CNKSR3: variants seen among roughly 807,000 people sequenced by gnomAD.
The protein encoded by CNKSR3 is connector enhancer of kinase suppressor of ras 3.
A neutral mutation model predicts 67.7 loss-of-function variants in CNKSR3; 36 were observed. That is an observed-to-expected ratio of 0.53 (90% CI 0.41 to 0.70). The LOEUF (loss-of-function observed/expected upper bound fraction) is 0.70, where lower values mean the gene tolerates loss of function less well. Among genes scored for constraint, CNKSR3 ranks in the 30% least tolerant of loss-of-function variants. The pLI is 0.00. For synonymous variants in CNKSR3, 281 were observed against 271.4 expected (o/e 1.04, Z -0.35); for missense variants, 630 against 695.2 (o/e 0.91, Z 1.05).
Position 154,509,659 on chromosome 6 carries a change from G to A in CNKSR3, c.52+404C>T, listed in dbSNP as rs549841355. ...GGGCAGGCGGCATGGACGAGGTCCCGCGGGAGTCACCCACACAAAGGCACC... is the reference window on the plus strand; with the variant it reads ...GGGCAGGCGGCATGGACGAGGTCCCACGGGAGTCACCCACACAAAGGCACC... On this transcript the variant is annotated intron_variant, in intron 1 of 12. Transcript: ENST00000607772. 1.3e-4 allele frequency among the ~76,000 whole-genome samples: 20 copies of A among 152,288 alleles called. 1 individual carries two copies. The South Asian group carries it at 4.1e-3, about 32-fold the overall frequency.
chr6:154,494,149 A>C (rs1185749338), intron 1 of CNKSR3, among the ~76,000 whole-genome samples: 3 of 152,198 alleles, frequency 2.0e-5, no homozygotes, highest in Non-Finnish European at 4.4e-5. Context: ...ATTGATTCGC[A>C]GTTCCACATG....
At chr6:154,478,974 C>T (rs1283228471) in intron 1 of CNKSR3, among the ~76,000 whole-genome samples, 2 of 152,248 alleles carry the variant, frequency 1.3e-5, no homozygotes, top group Non-Finnish European at 2.9e-5. Context: ...ATCATTTTCA[C>T]AAACATTTCC....
chr6:154,424,059 C>T (rs1392306488), intron 7 of CNKSR3, among the ~76,000 whole-genome samples: 2 of 151,840 alleles, frequency 1.3e-5, no homozygotes, highest in East Asian at 1.9e-4. Context: ...GGTGAAATCC[C>T]GTCTCTACTA....
chr6:154,441,936 TA>T (rs933123945), intron 3 of CNKSR3, 151 bp downstream of exon 3: 3 of 651,478 alleles, frequency 4.6e-6, no homozygotes, highest in Non-Finnish European at 7.3e-6. Context: ...AAAGGAATCC[TA>T]AAATCTACCA....
chr6:154,506,714 G>A (rs1242424879), intron 1 of CNKSR3, among the ~76,000 whole-genome samples: 2 of 152,300 alleles, frequency 1.3e-5, no homozygotes, highest in African/African-American at 4.8e-5. Flanking sequence ...TGTTATGTGC[G>A]GCTAACCCTA....
At position 154,399,065 on chromosome 6, in the gene CNKSR3, C is replaced by T. The variant is rs1217352779; in HGVS notation, c.*7289G>A. 6.7e-6 allele frequency: 1 copy of T among 149,042 alleles called. No individual in the cohort carries two copies. The highest frequency in any genetic ancestry group is 2.0e-4 in the East Asian group (1 of 5,116). 9.2% of individuals were successfully genotyped at this position (149,042 alleles called of 1,614,324 possible). A position where few individuals can be genotyped will look rare whatever the true frequency, so the allele number is the denominator to read the frequency against. On this transcript the variant is annotated 3_prime_UTR_variant, in exon 13 of 13. Transcript: ENST00000607772. ...TTGCACTCCAGCCTGGGCAACAAGA[C>T]TGAAACTCCGTCTCAAAAAAAAAAA...
At position 154,442,203 on chromosome 6, in the gene CNKSR3, G is replaced by T; in HGVS notation, c.304C>A (p.Arg102=). ...SHNLQNYISS[R]RKSPAYDGNT... ...CCATCGTAAGCGGGACTTTTCCGTCGGCTACTTATGTAATTCTGTAAATTG... is the reference window on the plus strand; with the variant it reads ...CCATCGTAAGCGGGACTTTTCCGTCTGCTACTTATGTAATTCTGTAAATTG... The change falls in exon 3 of 13, where the codon CGA becomes AGA. Residue 102 remains arginine, a synonymous_variant. Transcript: ENST00000607772. 1 of 1,614,088 alleles carries T rather than the reference G, an allele frequency of 6.2e-7. No homozygotes were observed. The highest frequency in any genetic ancestry group is 1.1e-5 in the South Asian group (1 of 91,078).
intron 1 of CNKSR3, among the ~76,000 whole-genome samples, chr6:154,495,216 A>C (rs775708596): frequency 3.3e-5 from 5 of 152,160 alleles, no homozygotes; most frequent in Non-Finnish European, 7.3e-5. Flanking sequence ...GCATTTTCTT[A>C]AATGTTTGAA....
intron 1 of CNKSR3, among the ~76,000 whole-genome samples, chr6:154,506,223 G>A (rs1164161816): frequency 6.7e-6 from 1 of 149,156 alleles, no homozygotes; most frequent in African/African-American, 2.5e-5. Context: ...GGGCCACAAT[G>A]TACCAAACTT....
At chr6:154,442,439 G>A (rs1475201186) in intron 2 of CNKSR3, 149 bp from the exon 3 acceptor site, 8 of 623,650 alleles carry the variant, frequency 1.3e-5, no homozygotes, top group East Asian at 5.9e-5. Context: ...TGGCTAACAC[G>A]GTGAAACCCC....
At chr6:154,494,307 A>G (rs978313202) in intron 1 of CNKSR3, among the ~76,000 whole-genome samples, 5 of 152,126 alleles carry the variant, frequency 3.3e-5, no homozygotes, top group Admixed American at 1.3e-4. Context: ...CTCACTCACT[A>G]TCATGAGAAT....
In CNKSR3 at chr6:154,391,812, A is replaced by G. The variant is rs1297894253; in HGVS notation, c.*14542T>C. The G allele has an allele frequency of 1.3e-5, 2 of 152,150 alleles. No individual in the cohort carries two copies. Among genetic ancestry groups the G allele is most frequent in the Non-Finnish European group, 2.9e-5 (2 of 68,042 alleles). The allele number at this position is 152,150 out of a possible 1,614,324, so 9.4% of individuals were successfully genotyped here. Reference sequence around the variant, plus strand: ...ACCTGTAGCTTCCTTCCTTTCCCACAATCTTGCTGCCCCGTCACAGGTAAC... The same window carrying G: ...ACCTGTAGCTTCCTTCCTTTCCCACGATCTTGCTGCCCCGTCACAGGTAAC... On this transcript the variant is annotated 3_prime_UTR_variant, in exon 13 of 13. Transcript: ENST00000607772.
At position 154,411,147 on chromosome 6, in the gene CNKSR3, A is replaced by G; in HGVS notation, c.1071-5T>C. The G allele has an allele frequency of 1.3e-6, 2 of 1,595,926 alleles. No homozygotes were observed. Among genetic ancestry groups the G allele is most frequent in the Middle Eastern group, 1.7e-4 (1 of 6,020 alleles). On this transcript the variant is annotated splice_polypyrimidine_tract_variant and splice_region_variant and intron_variant, in intron 10 of 12. Transcript: ENST00000607772. The stretch of plus-strand genomic sequence containing the variant: ...ACAAAACTGCCATTCTCATCCCTGG[A>G]AGATAATATGGACAATAATTAAGTT...
chr6:154,503,642 A>AC (rs1432652456), intron 1 of CNKSR3, among the ~76,000 whole-genome samples: 1 of 55,264 alleles, frequency 1.8e-5, no homozygotes, highest in Non-Finnish European at 3.8e-5. Flanking sequence ...CTCTTATTTA[A>AC]AAAAAAAAAA....
At chr6:154,465,282 A>G (rs1459501666) in intron 1 of CNKSR3, among the ~76,000 whole-genome samples, 1 of 152,130 alleles carries the variant, frequency 6.6e-6, no homozygotes, top group Non-Finnish European at 1.5e-5. Context: ...GATCTATCTT[A>G]CCAAATATTA....
chr6:154,450,856 A>T (rs1785811730), intron 1 of CNKSR3, among the ~76,000 whole-genome samples: 1 of 152,192 alleles, frequency 6.6e-6, no homozygotes, highest in East Asian at 1.9e-4. Context: ...GCTGGCAGTC[A>T]TTTTTCTCAT....
intron 9 of CNKSR3, among the ~76,000 whole-genome samples, chr6:154,415,228 ATTTT>A (rs35873703): frequency 1.7e-5 from 2 of 118,102 alleles, no homozygotes; most frequent in South Asian, 3.1e-4. Flanking sequence ...CTAGCTGCCC[ATTTT>A]TTTTTTTTTT....
intron 1 of CNKSR3, among the ~76,000 whole-genome samples, chr6:154,471,346 T>C (rs1786326892): frequency 6.6e-6 from 1 of 152,182 alleles, no homozygotes; most frequent in Non-Finnish European, 1.5e-5. Context: ...GAGACCAGCC[T>C]GGCCAACATG....
intron 1 of CNKSR3, among the ~76,000 whole-genome samples, chr6:154,467,390 C>G (rs1786226397): frequency 6.6e-6 from 1 of 152,208 alleles, no homozygotes; most frequent in Non-Finnish European, 1.5e-5. Context: ...CTAGATGCTA[C>G]TACTATGTAA....
Sources: gnomAD v4.1 joint callset for allele counts (sites outside exome capture counted in the v4.1 genomes callset) on GRCh38, gnomAD v4.1.1 for gene constraint, MANE v1.5 for transcripts, NCBI Gene and HGNC (gene_info 2026-07-23, HGNC 2026-07-21) for gene names.